Variants in ANK2 observed in about 807,000 individuals in gnomAD.
ANK2 encodes the protein ankyrin-2.
In ANK2, 83 loss-of-function variants were observed where a neutral mutation model predicts 360.5. That is an observed-to-expected ratio of 0.23 (90% CI 0.19 to 0.28). The LOEUF (loss-of-function observed/expected upper bound fraction) is 0.28. ANK2 is among the 10% of genes least tolerant of loss of function. The pLI is 1.00. For missense variants in ANK2, 4,201 were observed against 4,795.7 expected, an observed-to-expected ratio of 0.88 and a Z score of 3.66; for synonymous variants, 1,740 against 1,759.5, an observed-to-expected ratio of 0.99 and a Z score of 0.28.
At chr4:112,904,821 A>G (rs1227215649) in intron 2 of ANK2, among the ~76,000 whole-genome samples, 1 of 152,162 alleles carries the variant, frequency 6.6e-6, no homozygotes, top group African/African-American at 2.4e-5. Flanking sequence ...TAGACATAAT[A>G]AACACATTGG....
intron 4 of ANK2, among the ~76,000 whole-genome samples, chr4:113,211,118 A>T (rs115281797): frequency 0.028 from 4,239 of 152,276 alleles, 99 homozygotes; most frequent in East Asian, 0.066. Context: ...GAATAAACCA[A>T]ATTCTATACA....
chr4:112,854,089 A>G (rs1023301637), intron 1 of ANK2, among the ~76,000 whole-genome samples: 28 of 152,208 alleles, frequency 1.8e-4, no homozygotes, highest in African/African-American at 6.5e-4. Flanking sequence ...ATAGAACTAT[A>G]GATGAGGAGG....
chr4:113,135,293 G>A (rs1406644836), intron 1 of ANK2, among the ~76,000 whole-genome samples: 1 of 152,124 alleles, frequency 6.6e-6, no homozygotes, highest in Non-Finnish European at 1.5e-5. Context: ...ATAGATTAAA[G>A]GTAATTAAAG....
intron 2 of ANK2, among the ~76,000 whole-genome samples, chr4:113,183,264 C>G (rs1046753105): frequency 1.3e-5 from 2 of 151,726 alleles, no homozygotes; most frequent in African/African-American, 4.8e-5. Flanking sequence ...AAATAATAAT[C>G]CAGGAGAGTG....
chr4:113,342,023 A>C (rs1588628600), intron 33 of ANK2, 107 bp downstream of exon 33: 1 of 1,210,220 alleles, frequency 8.3e-7, no homozygotes, highest in African/African-American at 1.5e-5. Flanking sequence ...AAAAAGTGAA[A>C]GACAAGTTCG....
At chr4:113,313,940 A>G (rs972141069) in intron 24 of ANK2, among the ~76,000 whole-genome samples, 3 of 152,240 alleles carry the variant, frequency 2.0e-5, no homozygotes, top group Non-Finnish European at 2.9e-5. Context: ...AATCTGTGAC[A>G]TGACCCAGGT....
chr4:113,326,077 C>T (rs7669560), intron 26 of ANK2, among the ~76,000 whole-genome samples: 4 of 152,276 alleles, frequency 2.6e-5, no homozygotes, highest in East Asian at 1.9e-4. Flanking sequence ...ACTCATCTCG[C>T]GACTCACACC....
intron 26 of ANK2, among the ~76,000 whole-genome samples, chr4:113,327,946 T>C (rs1301368155): frequency 1.3e-5 from 2 of 152,188 alleles, no homozygotes; most frequent in African/African-American, 4.8e-5. Context: ...GGGCAAGTAA[T>C]CTAACCTGTA....
the ANK2 span, among the ~76,000 whole-genome samples, chr4:112,774,442 C>T: frequency 2.6e-5 from 4 of 152,076 alleles, no homozygotes; most frequent in Non-Finnish European, 5.9e-5. Context: ...AGGAGAATGG[C>T]GTGAACCCGC....
chr4:112,722,834 C>T, the ANK2 span, among the ~76,000 whole-genome samples: 2 of 152,106 alleles, frequency 1.3e-5, no homozygotes, highest in African/African-American at 4.8e-5. Flanking sequence ...TATGATGGCT[C>T]ATGCCTGTAG....
chr4:112,983,917 T>C lies in ANK2; in HGVS notation c.21+79403T>C, dbSNP rs557825669. On this transcript the variant is annotated intron_variant, in intron 2 of 30. Coordinates refer to the ANK2 transcript ENST00000503271. Reference sequence around the variant, plus strand: ...TTGGGGTCATTATTCAGCAACTCAATATTTTACTGTTAGATGTATGAATTT... The same window carrying C: ...TTGGGGTCATTATTCAGCAACTCAACATTTTACTGTTAGATGTATGAATTT... 3.3e-5 allele frequency among the ~76,000 whole-genome samples: 5 copies of C among 152,280 alleles called. No homozygotes were observed. The East Asian group carries it at 7.7e-4, about 24-fold the overall frequency.
In ANK2 at chr4:113,355,078, C is replaced by T. The variant is rs767226942; in HGVS notation, c.6460C>T (p.Arg2154Cys). 11 of 1,614,062 alleles carry T rather than the reference C, an allele frequency of 6.8e-6. No individual in the cohort carries two copies. Among genetic ancestry groups the T allele is most frequent in the South Asian group, 3.3e-5 (3 of 91,070 alleles). ...AGACAATGACAAATACCAACAATTCCGCCTGAGTGAGGAGACAGAAAAGGC... is the reference window on the plus strand; with the variant it reads ...AGACAATGACAAATACCAACAATTCTGCCTGAGTGAGGAGACAGAAAAGGC... The part of the protein sequence containing the change: ...LEDNDKYQQF[R>C]LSEETEKAQL... The change falls in exon 38 of 46, where the codon CGC (arginine) becomes TGC (cysteine). Residue 2154 changes from arginine (R) to cysteine (C), a missense_variant. Arg to Cys is a radical substitution (Grantham distance 180, BLOSUM62 -3). Transcript: ENST00000357077.
the ANK2 span, among the ~76,000 whole-genome samples, chr4:112,782,837 C>T: frequency 1.3e-5 from 2 of 151,572 alleles, no homozygotes; most frequent in African/African-American, 4.8e-5. Context: ...CCACTGCACT[C>T]CAGCCTGGGT....
the ANK2 span, among the ~76,000 whole-genome samples, chr4:112,707,627 GC>G: frequency 6.6e-6 from 1 of 152,002 alleles, no homozygotes; most frequent in Non-Finnish European, 1.5e-5. Context: ...CATATTTTAA[GC>G]AAAAAATTAT....
chr4:112,878,169 T>TCTATCTATCTATCTAA (rs1388027129), intron 1 of ANK2, among the ~76,000 whole-genome samples: 2 of 151,604 alleles, frequency 1.3e-5, no homozygotes, highest in Non-Finnish European at 2.9e-5. Context: ...TATCTATCTA[T>TCTATCTATCTATCTAA]CTATCTATCT....
At chr4:112,850,706 C>T (rs1366394825) in intron 1 of ANK2, among the ~76,000 whole-genome samples, 7 of 150,740 alleles carry the variant, frequency 4.6e-5, no homozygotes, top group Admixed American at 1.3e-4. Flanking sequence ...TTAGTAGAGA[C>T]GGGATTTCAC....
chr4:113,310,295 G>T (rs2079241414), intron 23 of ANK2, among the ~76,000 whole-genome samples: 1 of 152,148 alleles, frequency 6.6e-6, no homozygotes, highest in African/African-American at 2.4e-5. Flanking sequence ...AAGATGAAAT[G>T]CAAAAGCAAA....
intron 1 of ANK2, among the ~76,000 whole-genome samples, chr4:113,077,453 G>A (rs1159417328): frequency 6.6e-6 from 1 of 152,016 alleles, no homozygotes; most frequent in Admixed American, 6.6e-5. Flanking sequence ...AAAATTTTAA[G>A]AAGTATAATT....
the ANK2 span, among the ~76,000 whole-genome samples, chr4:112,804,156 C>A: frequency 6.6e-6 from 1 of 151,916 alleles, no homozygotes; most frequent in South Asian, 2.1e-4. Flanking sequence ...GTAGCTGGAA[C>A]TACAGGCGCC....
Sources: allele counts gnomAD v4.1 joint callset (sites outside exome capture counted in the v4.1 genomes callset), GRCh38; gene constraint gnomAD v4.1.1; transcripts MANE v1.5; gene names NCBI Gene and HGNC (gene_info 2026-07-23, HGNC 2026-07-21).